Variants in PACRG observed in about 807,000 individuals in gnomAD.
The protein encoded by PACRG is parkin coregulated.
A neutral mutation model predicts 29.7 loss-of-function variants in PACRG; 29 were observed. The ratio of observed to expected loss-of-function variants is 0.98; its 90% CI spans 0.73 to 1.33. PACRG has a LOEUF of 1.33. Ranked by LOEUF, PACRG falls within the 40% of genes most tolerant of loss-of-function variation. PACRG has a pLI of 0.00. For synonymous variants in PACRG, 116 were observed against 118.7 expected, an observed-to-expected ratio of 0.98 and a Z score of 0.15; for missense variants, 279 against 316.2, an observed-to-expected ratio of 0.88 and a Z score of 0.89.
rs1804781256 is a variant in PACRG at position 163,003,653 on chromosome 6, T to C, written c.292-58497T>C. 2.6e-5 allele frequency among the ~76,000 whole-genome samples: 4 copies of C among 152,216 alleles called. No individual in the cohort carries two copies. The South Asian group carries it at 8.3e-4, about 31-fold the overall frequency. Reference sequence around the variant, plus strand: ...TTCCCATCTTCTCCCCAGGAATTTTTTGGCTTATCAACAGCTGGAGGTAGG... The same window carrying C: ...TTCCCATCTTCTCCCCAGGAATTTTCTGGCTTATCAACAGCTGGAGGTAGG... On this transcript the variant is annotated intron_variant, in intron 2 of 4. Coordinates refer to ENST00000366888, the MANE Select transcript of PACRG (RefSeq NM_001080379.2).
intron 2 of PACRG, among the ~76,000 whole-genome samples, chr6:162,871,904 C>T (rs951817726): frequency 6.7e-5 from 10 of 150,240 alleles, no homozygotes; most frequent in East Asian, 2.0e-4. Flanking sequence ...GTGACAGAGC[C>T]AGACTCCGTC....
chr6:163,182,488 C>G (rs750684269), intron 4 of PACRG: 2 of 152,206 alleles, frequency 1.3e-5, no homozygotes, highest in Non-Finnish European at 2.9e-5. Flanking sequence ...GCTGCTGAAA[C>G]AGTCACAAGA....
At chr6:162,994,446 T>C (rs1164107885) in intron 2 of PACRG, among the ~76,000 whole-genome samples, 4 of 148,720 alleles carry the variant, frequency 2.7e-5, no homozygotes, top group Non-Finnish European at 4.5e-5. Flanking sequence ...CATTTCTTTT[T>C]ATTCTTTTTT....
At chr6:163,246,816 A>G (rs1410096519) in intron 4 of PACRG, among the ~76,000 whole-genome samples, 1 of 152,270 alleles carries the variant, frequency 6.6e-6, no homozygotes, top group Admixed American at 6.5e-5. Context: ...GGAAAAAAAT[A>G]CAGGAGAAAA....
chr6:162,963,740 T>C (rs917904139), intron 2 of PACRG, among the ~76,000 whole-genome samples: 2 of 143,760 alleles, frequency 1.4e-5, no homozygotes, highest in African/African-American at 5.7e-5. Context: ...ATAAAATAAT[T>C]GTTACTGACC....
chr6:162,946,958 G>A (rs529929862), intron 2 of PACRG, among the ~76,000 whole-genome samples: 20 of 151,992 alleles, frequency 1.3e-4, no homozygotes, highest in Middle Eastern at 3.4e-3. Context: ...GGGAAAGTAG[G>A]CATAGAAGGA....
At chr6:163,215,862 A>G (rs921546884) in intron 4 of PACRG, among the ~76,000 whole-genome samples, 2 of 152,212 alleles carry the variant, frequency 1.3e-5, no homozygotes, top group African/African-American at 4.8e-5. Flanking sequence ...ACAAATACTG[A>G]AGCATACCCA....
intron 1 of PACRG, among the ~76,000 whole-genome samples, chr6:162,751,065 AG>A (rs941472836): frequency 6.6e-6 from 1 of 152,138 alleles, no homozygotes; most frequent in Admixed American, 6.6e-5. Flanking sequence ...CTTCTCCTGA[AG>A]GTTTTACACT....
At chr6:162,729,591 G>C (rs1308465365) in intron 1 of PACRG, among the ~76,000 whole-genome samples, 1 of 151,960 alleles carries the variant, frequency 6.6e-6, no homozygotes, top group African/African-American at 2.4e-5. Context: ...CACATAAATT[G>C]GTTCTCCTAG....
intron 4 of PACRG, among the ~76,000 whole-genome samples, chr6:163,129,490 C>G (rs1315435753): frequency 6.6e-6 from 1 of 152,188 alleles, no homozygotes; most frequent in African/African-American, 2.4e-5. Flanking sequence ...CGTCAAGAGT[C>G]GTTCTATTAC....
chr6:163,018,221 T>C (rs1806283486), intron 2 of PACRG, among the ~76,000 whole-genome samples: 1 of 152,130 alleles, frequency 6.6e-6, no homozygotes, highest in African/African-American at 2.4e-5. Context: ...GTTTTCCTAC[T>C]CTCCTACCCC....
intron 4 of PACRG, among the ~76,000 whole-genome samples, chr6:163,309,376 C>G (rs769057929): frequency 2.0e-5 from 3 of 152,212 alleles, no homozygotes; most frequent in South Asian, 2.1e-4. Flanking sequence ...GTCTCATGCT[C>G]TCTGCGGCTA....
At chr6:163,262,464 G>A (rs1034923883) in intron 4 of PACRG, among the ~76,000 whole-genome samples, 17 of 151,994 alleles carry the variant, frequency 1.1e-4, no homozygotes, top group Non-Finnish European at 1.6e-4. Flanking sequence ...ATAATGATCC[G>A]GCAAGATTGG....
chr6:162,831,970 C>T (rs1213795087), intron 2 of PACRG, among the ~76,000 whole-genome samples: 2 of 152,068 alleles, frequency 1.3e-5, no homozygotes, highest in African/African-American at 4.8e-5. Context: ...AGTGAATGTA[C>T]ACATGCATGT....
chr6:163,296,829 T>C (rs1784795026), intron 4 of PACRG, among the ~76,000 whole-genome samples: 1 of 152,200 alleles, frequency 6.6e-6, no homozygotes, highest in Admixed American at 6.5e-5. Flanking sequence ...CTTTAAATGC[T>C]CCACACTGAT....
Position 163,212,558 on chromosome 6 carries a change from A to G in PACRG, c.614-102269A>G, listed in dbSNP as rs149257573. 4.5e-3 allele frequency among the ~76,000 whole-genome samples: 685 copies of G among 152,312 alleles called. 2 individuals carry two copies. The highest frequency in any genetic ancestry group is 0.015 in the African/African-American group (644 of 41,560). Reference sequence around the variant, plus strand: ...GATGCTGGCTCAAAAGGGTTGCCCAATTGCCAAGTCAGGGACCCTTTGACC... The same window carrying G: ...GATGCTGGCTCAAAAGGGTTGCCCAGTTGCCAAGTCAGGGACCCTTTGACC... On this transcript the variant is annotated intron_variant, in intron 4 of 4. Coordinates refer to ENST00000366888, the MANE Select transcript of PACRG (RefSeq NM_001080379.2).
chr6:163,190,286 C>T (rs947376756), intron 4 of PACRG: 7 of 152,014 alleles, frequency 4.6e-5, no homozygotes, highest in Non-Finnish European at 1.0e-4. Flanking sequence ...ATTTGAAGTC[C>T]CCAAACATTT....
At position 163,126,470 on chromosome 6, in the gene PACRG, G is replaced by A. The variant is rs143051760; in HGVS notation, c.613+37062G>A. On this transcript the variant is annotated intron_variant, in intron 4 of 4. Transcript: ENST00000366888. The stretch of plus-strand genomic sequence containing the variant: ...CAACATTGAAACCAAGATTGTCTTT[G>A]GTATTTATGAGGGCATTTACAAAAG... 4.1e-4 allele frequency among the ~76,000 whole-genome samples: 62 copies of A among 152,230 alleles called. 1 individual carries two copies. The highest frequency in any genetic ancestry group is 1.3e-3 in the African/African-American group (53 of 41,536).
intron 4 of PACRG, among the ~76,000 whole-genome samples, chr6:163,221,845 G>A (rs1263225099): frequency 6.6e-6 from 1 of 151,762 alleles, no homozygotes; most frequent in African/African-American, 2.4e-5. Flanking sequence ...GGTGTGTATT[G>A]GAGAGAAGAG....
Sources: gnomAD v4.1 joint callset for allele counts (sites outside exome capture counted in the v4.1 genomes callset) on GRCh38, gnomAD v4.1.1 for gene constraint, MANE v1.5 for transcripts, NCBI Gene and HGNC (gene_info 2026-07-23, HGNC 2026-07-21) for gene names.